DCLK2: variants seen among roughly 807,000 people sequenced by gnomAD.
The protein encoded by DCLK2 is doublecortin like kinase 2.
DCLK2 carries 31 observed loss-of-function variants against 78.4 expected under a neutral mutation model. The observed-to-expected ratio is 0.40, with a 90% CI of 0.30 to 0.53. The LOEUF (loss-of-function observed/expected upper bound fraction) is 0.53, where lower values mean the gene tolerates loss of function less well. Among genes scored for constraint, DCLK2 ranks in the 20% least tolerant of loss-of-function variants. The probability of loss-of-function intolerance (pLI) is 0.61; values close to 1 mark genes in which losing one functional copy is unlikely to be tolerated. For synonymous variants in DCLK2, 407 were observed against 374.9 expected (o/e 1.09, Z -0.99); for missense variants, 872 against 973.7 (o/e 0.90, Z 1.39).
intron 2 of DCLK2, among the ~76,000 whole-genome samples, chr4:150,108,073 A>T (rs964841706): frequency 1.4e-4 from 21 of 152,182 alleles, no homozygotes; most frequent in Admixed American, 3.9e-4. Flanking sequence ...CTAAAAACAA[A>T]ATATATAACC....
At chr4:150,208,130 G>A (rs561067139) in intron 5 of DCLK2, among the ~76,000 whole-genome samples, 133 of 152,318 alleles carry the variant, frequency 8.7e-4, no homozygotes, top group Non-Finnish European at 1.6e-3. Flanking sequence ...GACTTAACAG[G>A]AATCTTGCTC....
chr4:150,170,401 G>C (rs188227169), intron 2 of DCLK2, among the ~76,000 whole-genome samples: 1 of 152,248 alleles, frequency 6.6e-6, no homozygotes, highest in East Asian at 1.9e-4. Flanking sequence ...ATATTTAGCT[G>C]GGGCGAGGAT....
At chr4:150,204,588 T>G (rs1309230993) in intron 5 of DCLK2, among the ~76,000 whole-genome samples, 1 of 152,144 alleles carries the variant, frequency 6.6e-6, no homozygotes, top group Non-Finnish European at 1.5e-5. Context: ...AGTAAATAAT[T>G]AGAGCTAAAG....
chr4:150,106,161 G>A (rs888552495), intron 2 of DCLK2, among the ~76,000 whole-genome samples: 5 of 151,232 alleles, frequency 3.3e-5, no homozygotes, highest in African/African-American at 1.2e-4. Context: ...CATTTTCAGC[G>A]AACCGGGTAT....
At chr4:150,143,415 T>C (rs1734240074) in intron 2 of DCLK2, among the ~76,000 whole-genome samples, 1 of 152,126 alleles carries the variant, frequency 6.6e-6, no homozygotes, top group Non-Finnish European at 1.5e-5. Flanking sequence ...AGGCCGAGGC[T>C]GGAGGATTGC....
At chr4:150,241,511 C>T (rs1034977815) in intron 12 of DCLK2, among the ~76,000 whole-genome samples, 3 of 152,168 alleles carry the variant, frequency 2.0e-5, no homozygotes, top group African/African-American at 7.2e-5. Context: ...AATCTCTTCC[C>T]TTTGTTCATT....
rs1488033287 is a variant in DCLK2 at position 150,249,565 on chromosome 4, T to C, written c.1957-3T>C. 1.9e-6 allele frequency: 3 copies of C among 1,611,196 alleles called. No individual in the cohort carries two copies. The highest frequency in any genetic ancestry group is 2.7e-5 in the African/African-American group (2 of 74,868). On this transcript the variant is annotated splice_region_variant and splice_polypyrimidine_tract_variant and intron_variant, in intron 14 of 15. Coordinates refer to ENST00000296550, the MANE Select transcript of DCLK2 (RefSeq NM_001040260.4). ...TTGTATTTGATTGTTTTCTTTCCTG[T>C]AGGATGATGCCTCCCAGGAGAATAA...
chr4:150,173,126 T>C (rs1384591215), intron 2 of DCLK2, among the ~76,000 whole-genome samples: 1 of 152,074 alleles, frequency 6.6e-6, no homozygotes, highest in Admixed American at 6.5e-5. Context: ...ATTTCCACAG[T>C]TTTTGCTAAA....
intron 2 of DCLK2, among the ~76,000 whole-genome samples, chr4:150,166,707 T>A (rs112027696): frequency 9.9e-5 from 15 of 152,272 alleles, no homozygotes; most frequent in African/African-American, 3.4e-4. Context: ...TCTGAGTTTG[T>A]AATTAGAGCA....
chr4:150,240,944 A>G (rs1168619920), intron 12 of DCLK2, among the ~76,000 whole-genome samples: 1 of 152,100 alleles, frequency 6.6e-6, no homozygotes, highest in Non-Finnish European at 1.5e-5. Context: ...ATAAACCCAT[A>G]ATACAGTGTC....
intron 2 of DCLK2, among the ~76,000 whole-genome samples, chr4:150,151,533 G>T (rs28589304): frequency 0.35 from 53,644 of 152,110 alleles, 10,028 homozygotes; most frequent in African/African-American, 0.49. Flanking sequence ...TTGAATGCTT[G>T]CTTTTATTCC....
chr4:150,086,666 C>T (rs2150133503), intron 1 of DCLK2, among the ~76,000 whole-genome samples: 1 of 152,142 alleles, frequency 6.6e-6, no homozygotes, highest in South Asian at 2.1e-4. Context: ...ACCACCACGC[C>T]CTGCTAATTT....
intron 2 of DCLK2, among the ~76,000 whole-genome samples, chr4:150,156,329 T>A (rs1258670155): frequency 6.6e-6 from 1 of 151,870 alleles, no homozygotes; most frequent in Admixed American, 6.6e-5. Flanking sequence ...TGACCCTGTG[T>A]AATAAGAAGG....
At chr4:150,249,766 C>T (rs1199527904) in intron 15 of DCLK2, 82 bp downstream of exon 15, 4 of 1,145,944 alleles carry the variant, frequency 3.5e-6, no homozygotes, top group East Asian at 2.3e-5. Flanking sequence ...GCTGCCCTCA[C>T]ATGGAAGTTG....
chr4:150,235,223 C>G lies in DCLK2; in HGVS notation c.1566+2395C>G, dbSNP rs367781065. ...GGAGTCCATTTCCCAGCTCACAGAT[C>G]TCACTCTCACCTCCTGTTTCTTCTC... On this transcript the variant is annotated intron_variant, in intron 10 of 15. Transcript: ENST00000296550. Among the ~76,000 whole-genome samples, 42 of 152,290 alleles carry G rather than the reference C, an allele frequency of 2.8e-4. No individual in the cohort carries two copies. In the South Asian group the frequency reaches 8.5e-3, roughly 31 times the overall value.
intron 2 of DCLK2, among the ~76,000 whole-genome samples, chr4:150,120,554 A>G (rs992538474): frequency 2.0e-5 from 3 of 152,242 alleles, no homozygotes; most frequent in Non-Finnish European, 4.4e-5. Context: ...GCTACAGTCC[A>G]TACAAGCATA....
intron 8 of DCLK2, among the ~76,000 whole-genome samples, chr4:150,226,105 T>C (rs1307208725): frequency 1.3e-5 from 2 of 152,214 alleles, no homozygotes; most frequent in Admixed American, 6.5e-5. Flanking sequence ...CTGGTCTTCA[T>C]TGGACTTCTA....
intron 2 of DCLK2, among the ~76,000 whole-genome samples, chr4:150,144,986 A>G (rs1275742724): frequency 6.6e-6 from 1 of 152,178 alleles, no homozygotes; most frequent in Non-Finnish European, 1.5e-5. Flanking sequence ...AACGATGTTG[A>G]TTCTTTCAAT....
intron 2 of DCLK2, among the ~76,000 whole-genome samples, chr4:150,119,138 T>C (rs1227054890): frequency 6.6e-6 from 1 of 152,148 alleles, no homozygotes; most frequent in Non-Finnish European, 1.5e-5. Flanking sequence ...CATGTAATCA[T>C]GTATCCTGGA....
Sources: gnomAD v4.1 joint callset for allele counts (sites outside exome capture counted in the v4.1 genomes callset) on GRCh38, gnomAD v4.1.1 for gene constraint, MANE v1.5 for transcripts, NCBI Gene and HGNC (gene_info 2026-07-23, HGNC 2026-07-21) for gene names.